The following PPP4R4 variants were observed in gnomAD, a reference collection of about 807,000 sequenced individuals.
PPP4R4 encodes protein phosphatase 4 regulatory subunit 4.
In PPP4R4, 70 loss-of-function variants were observed where a neutral mutation model predicts 121.8. That is an observed-to-expected ratio of 0.57 (90% CI 0.47 to 0.70). PPP4R4 has a LOEUF of 0.70. Ranked by LOEUF, PPP4R4 falls within the 30% of genes least tolerant of loss-of-function variation. The probability of loss-of-function intolerance (pLI) is 0.00; values close to 1 mark genes in which losing one functional copy is unlikely to be tolerated. For missense variants in PPP4R4, 875 were observed against 1,033.6 expected (o/e 0.85, Z 2.10); for synonymous variants, 348 against 355.7 (o/e 0.98, Z 0.24).
At chr14:94,182,504 T>C (rs924611326) in intron 2 of PPP4R4, among the ~76,000 whole-genome samples, 3 of 152,180 alleles carry the variant, frequency 2.0e-5, no homozygotes, top group African/African-American at 7.2e-5. Flanking sequence ...GATTTTGCAC[T>C]TTATATAGTA....
intron 24 of PPP4R4, among the ~76,000 whole-genome samples, chr14:94,278,375 T>C (rs894565627): frequency 3.3e-5 from 5 of 152,180 alleles, no homozygotes; most frequent in African/African-American, 1.2e-4. Context: ...TGCTATGTTA[T>C]ATATATACAC....
At position 94,245,586 on chromosome 14, in the gene PPP4R4, G is replaced by C; in HGVS notation, c.1345-1G>C. 2 of 1,533,898 alleles carry C rather than the reference G, an allele frequency of 1.3e-6. No homozygotes were observed. Among genetic ancestry groups the C allele is most frequent in the African/African-American group, 2.8e-5 (2 of 72,506 alleles). On this transcript the variant is annotated splice_acceptor_variant, in intron 12 of 24. Coordinates refer to ENST00000304338, the MANE Select transcript of PPP4R4 (RefSeq NM_058237.2). LOFTEE classifies it high-confidence loss of function. ...ACAGTAATCAATATCTCTGTTAAAA[G>C]GTACTAGATGCTCTTATAGATCATC...
rs144532432 is a variant in PPP4R4, at chr14:94,226,828, A to G, written c.295-3759A>G. Among the ~76,000 whole-genome samples, 5 of 152,288 alleles carry G rather than the reference A, an allele frequency of 3.3e-5. No homozygotes were observed. The East Asian group carries it at 7.7e-4, about 23-fold the overall frequency. ...CTTTTACTAGCACTATTCATGATAA[A>G]TATATTTTTCAGTTTTATTCAATAA... On this transcript the variant is annotated intron_variant, in intron 3 of 24. Coordinates refer to ENST00000304338, the MANE Select transcript of PPP4R4 (RefSeq NM_058237.2).
rs1165891855 is a variant in PPP4R4, at chr14:94,174,516, G to T, written c.51G>T (p.Leu17=). 1 of 1,612,422 alleles carries T rather than the reference G, an allele frequency of 6.2e-7. No homozygotes were observed. Among genetic ancestry groups the T allele is most frequent in the Non-Finnish European group, 8.5e-7 (1 of 1,179,206 alleles). ...CGATGGATTTCAGTCAGAACAGCCT[G>T]TTCGGTTACATGGAGGACCTGCAGG... ...AAAMDFSQNS[L]FGYMEDLQEL... The change falls in exon 1 of 25, where the codon CTG becomes CTT. Residue 17 remains leucine, a synonymous_variant. Transcript: ENST00000304338.
intron 23 of PPP4R4, among the ~76,000 whole-genome samples, chr14:94,270,092 C>A (rs1336162861): frequency 6.6e-6 from 1 of 152,012 alleles, no homozygotes; most frequent in Non-Finnish European, 1.5e-5. Context: ...TTCTGTAAAT[C>A]AAAACTGTTC....
At chr14:94,270,793 C>A (rs946517819) in intron 23 of PPP4R4, among the ~76,000 whole-genome samples, 1 of 151,766 alleles carries the variant, frequency 6.6e-6, no homozygotes, top group Admixed American at 6.6e-5. Context: ...TGGTGTGCAC[C>A]TATGGTCCCA....
intron 8 of PPP4R4, 145 bp from the exon 9 acceptor site, chr14:94,240,528 C>T: frequency 6.1e-6 from 5 of 823,008 alleles, no homozygotes; most frequent in Middle Eastern, 3.8e-4. Context: ...CACCCACCTC[C>T]ATCGTTGTTG....
At chr14:94,270,149 A>G (rs920272308) in intron 23 of PPP4R4, among the ~76,000 whole-genome samples, 10 of 152,240 alleles carry the variant, frequency 6.6e-5, no homozygotes, top group African/African-American at 2.4e-4. Flanking sequence ...AGTATCTTCA[A>G]AAACACTAAG....
chr14:94,269,323 G>A (rs1036966066), intron 23 of PPP4R4, among the ~76,000 whole-genome samples: 1 of 152,098 alleles, frequency 6.6e-6, no homozygotes. Flanking sequence ...TTTTCAGGGA[G>A]CAGCAGCTGA....
intron 3 of PPP4R4, among the ~76,000 whole-genome samples, chr14:94,213,829 T>C (rs1393176712): frequency 6.6e-6 from 1 of 152,210 alleles, no homozygotes. Context: ...AATTCTGGCC[T>C]CCAGACCTGT....
rs1433482192 is a variant in PPP4R4 at position 94,214,508 on chromosome 14, CAAAAAAAAAACA to C, written c.294+5943_294+5954del. ...ATAGCAAGACCTTGCCTCTAAAAAACAAAAAAAAAACAGAAAAAAAAAGAAAGAAATAATAGG... is the reference window on the plus strand; with the variant it reads ...ATAGCAAGACCTTGCCTCTAAAAAACGAAAAAAAAAGAAAGAAATAATAGG... On this transcript the variant is annotated intron_variant, in intron 3 of 24. Transcript: ENST00000304338. Among the ~76,000 whole-genome samples, 8 of 130,080 alleles carry C rather than the reference CAAAAAAAAAACA, an allele frequency of 6.2e-5. No individual in the cohort carries two copies. In the South Asian group the frequency reaches 9.2e-4, roughly 15 times the overall value. The allele number at this position is 130,080 out of a possible 152,430, so 85.3% of individuals were successfully genotyped here.
At chr14:94,267,113 A>G in intron 23 of PPP4R4, 84 bp downstream of exon 23, 2 of 833,322 alleles carry the variant, frequency 2.4e-6, no homozygotes, top group Non-Finnish European at 3.8e-6. Flanking sequence ...CTTTAGTACT[A>G]GATGTAGTGT....
Position 94,242,314 on chromosome 14 carries a change from A to G in PPP4R4, c.1172A>G (p.Lys391Arg), listed in dbSNP as rs762610452. The G allele has an allele frequency of 1.2e-6, 2 of 1,611,614 alleles. No individual in the cohort carries two copies. The highest frequency in any genetic ancestry group is 4.5e-5 in the East Asian group (2 of 44,784). Residue 391 changes from lysine (K) to arginine (R), a missense_variant, in exon 11 of 25, where the codon AAA becomes AGA. Transcript: ENST00000304338. ...FPAMIVFVDPKNFHMELYSTF... is the reference protein window; with the variant it reads ...FPAMIVFVDPRNFHMELYSTF... Reference sequence around the variant, plus strand: ...GCCATGATTGTTTTTGTTGATCCTAAAAACTTCCACATGGAACTCTATTCT... The same window carrying G: ...GCCATGATTGTTTTTGTTGATCCTAGAAACTTCCACATGGAACTCTATTCT...
chr14:94,202,876 G>A (rs746539008), intron 2 of PPP4R4, among the ~76,000 whole-genome samples: 1 of 152,052 alleles, frequency 6.6e-6, no homozygotes, highest in Non-Finnish European at 1.5e-5. Flanking sequence ...CCAGCTACTC[G>A]GGAGGCTGAG....
intron 2 of PPP4R4, among the ~76,000 whole-genome samples, chr14:94,194,188 AT>A (rs1394572447): frequency 4.6e-5 from 7 of 152,230 alleles, no homozygotes; most frequent in African/African-American, 1.7e-4. Flanking sequence ...TCCTAAATTC[AT>A]TTATTTAACT....
At chr14:94,252,274 G>C (rs1030582301) in intron 16 of PPP4R4, among the ~76,000 whole-genome samples, 2 of 152,146 alleles carry the variant, frequency 1.3e-5, no homozygotes, top group African/African-American at 4.8e-5. Flanking sequence ...GTGAGCATCC[G>C]TTAGTTTCTA....
At chr14:94,277,631 C>T (rs1894717238) in intron 24 of PPP4R4, among the ~76,000 whole-genome samples, 2 of 152,264 alleles carry the variant, frequency 1.3e-5, no homozygotes, top group South Asian at 4.1e-4. Flanking sequence ...ATGCCATAGG[C>T]ATTTTTTACA....
At chr14:94,217,528 A>C (rs1891090435) in intron 3 of PPP4R4, among the ~76,000 whole-genome samples, 1 of 152,232 alleles carries the variant, frequency 6.6e-6, no homozygotes, top group Non-Finnish European at 1.5e-5. Flanking sequence ...AAACTTACCA[A>C]AACATAAAGC....
At chr14:94,269,217 A>T (rs1318943373) in intron 23 of PPP4R4, among the ~76,000 whole-genome samples, 1 of 152,182 alleles carries the variant, frequency 6.6e-6, no homozygotes, top group Admixed American at 6.5e-5. Flanking sequence ...ATTTGAGATG[A>T]ACCTTAAGGT....
Sources: gnomAD v4.1 joint callset for allele counts (sites outside exome capture counted in the v4.1 genomes callset) on GRCh38, gnomAD v4.1.1 for gene constraint, MANE v1.5 for transcripts, NCBI Gene and HGNC (gene_info 2026-07-23, HGNC 2026-07-21) for gene names.